CLCN1: variants seen among roughly 807,000 people sequenced by gnomAD.
The protein encoded by CLCN1 is chloride voltage-gated channel 1, also known as chloride channel protein 1.
In CLCN1, 100 loss-of-function variants were observed where a neutral mutation model predicts 114.5. The observed-to-expected ratio is 0.87, with a 90% CI of 0.74 to 1.03. The LOEUF (loss-of-function observed/expected upper bound fraction) is 1.03. Ranked by LOEUF, CLCN1 falls within the 50% of genes least tolerant of loss-of-function variation. The probability of loss-of-function intolerance (pLI) is 0.00; values close to 1 mark genes in which losing one functional copy is unlikely to be tolerated. For synonymous variants in CLCN1, 485 were observed against 487.1 expected, an observed-to-expected ratio of 1.00 and a Z score of 0.06; for missense variants, 1,188 against 1,250.0, an observed-to-expected ratio of 0.95 and a Z score of 0.75.
chr7:143,346,205 G>C lies in CLCN1; in HGVS notation c.2238G>C (p.Gly746=), dbSNP rs1377178036. The C allele has an allele frequency of 1.2e-6, 2 of 1,613,610 alleles. No homozygotes were observed. Among genetic ancestry groups the C allele is most frequent in the Non-Finnish European group, 1.7e-6 (2 of 1,179,822 alleles). Residue 746 remains glycine (G), a synonymous_variant, in exon 18 of 23, where the codon GGG becomes GGC. Transcript: ENST00000343257. ...CTCTGTCCCCAGAAGAGCCCAATGG[G>C]CCTCTGCCTGGCCACAAACAGCAGC... ...TAPLSPEEPN[G]PLPGHKQQPE... is the part of the protein sequence containing the mutation.
intron 20 of CLCN1, among the ~76,000 whole-genome samples, chr7:143,349,120 A>C (rs1313257708): frequency 6.6e-6 from 1 of 152,242 alleles, no homozygotes; most frequent in Non-Finnish European, 1.5e-5. Context: ...AAAACGGAAC[A>C]TAAGGCCACA....
intron 1 of CLCN1, among the ~76,000 whole-genome samples, chr7:143,317,514 C>T (rs986644887): frequency 7.9e-5 from 12 of 151,982 alleles, no homozygotes; most frequent in African/African-American, 2.9e-4. Flanking sequence ...TCCCAAAGTG[C>T]TGGAATTACA....
rs1014684722 is a variant in CLCN1 at position 143,345,596 on chromosome 7, G to A, written c.2006G>A (p.Arg669His). 2.6e-6 allele frequency: 4 copies of A among 1,552,836 alleles called. No homozygotes were observed. The highest frequency in any genetic ancestry group is 3.5e-6 in the Non-Finnish European group (4 of 1,148,266). ...ALLQRHLCPE[R>H]RLRAAQEMAR... ...CTGCAGCGCCACCTGTGTCCTGAGCGCAGGCTGCGCGCAGCCCAAGAGATG... is the reference window on the plus strand; with the variant it reads ...CTGCAGCGCCACCTGTGTCCTGAGCACAGGCTGCGCGCAGCCCAAGAGATG... Residue 669 changes from arginine to histidine, a missense_variant, in exon 17 of 23, where the codon CGC (arginine) becomes CAC (histidine). By Grantham distance (29) the Arg-to-His change is conservative (BLOSUM62 0). Coordinates refer to ENST00000343257, the MANE Select transcript of CLCN1 (RefSeq NM_000083.3).
chr7:143,321,639 C>T lies in CLCN1; in HGVS notation c.563-76C>T. On this transcript the variant is annotated intron_variant, in intron 4 of 22. Transcript: ENST00000343257. The surrounding 1 kb of genome is among the most constrained non-coding windows in gnomAD (Gnocchi z 4.2). Reference sequence around the variant, plus strand: ...TGCCTCTTCAGCCCTCTCCAATTCCCATTCCCATATTCTGGACATTCATCT... The same window carrying T: ...TGCCTCTTCAGCCCTCTCCAATTCCTATTCCCATATTCTGGACATTCATCT... 6.2e-7 allele frequency: 1 copy of T among 1,608,762 alleles called. No individual in the cohort carries two copies. The highest frequency in any genetic ancestry group is 8.5e-7 in the Non-Finnish European group (1 of 1,175,302).
At position 143,345,578 on chromosome 7, in the gene CLCN1, G is replaced by A. The variant is rs1212604561; in HGVS notation, c.1988G>A (p.Arg663His). The change falls in exon 17 of 23, where the codon CGC becomes CAC. Residue 663 changes from arginine to histidine, a missense_variant. Transcript: ENST00000343257. ...ERSELQALLQ[R>H]HLCPERRLRA... Reference sequence around the variant, plus strand: ...TCGGAACTGCAGGCCCTCCTGCAGCGCCACCTGTGTCCTGAGCGCAGGCTG... The same window carrying A: ...TCGGAACTGCAGGCCCTCCTGCAGCACCACCTGTGTCCTGAGCGCAGGCTG... 5.2e-6 allele frequency: 8 copies of A among 1,547,920 alleles called. No individual in the cohort carries two copies. In the East Asian group the frequency reaches 2.0e-4, roughly 38 times the overall value.
chr7:143,350,328 A>C lies in CLCN1; in HGVS notation c.2404-44A>C, dbSNP rs1803357583. On this transcript the variant is annotated intron_variant, in intron 20 of 22. Coordinates refer to ENST00000343257, the MANE Select transcript of CLCN1 (RefSeq NM_000083.3). This position sits in a 1 kb window ranked among gnomAD's most constrained non-coding sequence, Gnocchi z 5.1. Reference sequence around the variant, plus strand: ...GTCAAAATCAGGTATCTGGGGTGAAAGGAGGCTCTGTGATTTTCGTGACTT... The same window carrying C: ...GTCAAAATCAGGTATCTGGGGTGAACGGAGGCTCTGTGATTTTCGTGACTT... 6.6e-7 allele frequency: 1 copy of C among 1,519,640 alleles called. No homozygotes were observed. Among genetic ancestry groups the C allele is most frequent in the Non-Finnish European group, 9.1e-7 (1 of 1,098,420 alleles). 94.1% of individuals were successfully genotyped at this position (1,519,640 alleles called of 1,614,324 possible).
At position 143,321,366 on chromosome 7, in the gene CLCN1, C is replaced by A; in HGVS notation, c.435C>A (p.Ala145=). Residue 145 remains alanine (A), a splice_region_variant and synonymous_variant, in exon 4 of 23, where the codon GCC becomes GCA. Coordinates refer to ENST00000343257, the MANE Select transcript of CLCN1 (RefSeq NM_000083.3). This position sits in a 1 kb window ranked among gnomAD's most constrained non-coding sequence, Gnocchi z 4.2. ...AACCCCAGGCATGTGTCTCCGCAGC[C>A]TACAAGTGGTCCTACGCGCAGATGC... ...MDYVSAKSLQ[A]YKWSYAQMQP... The A allele has an allele frequency of 5.6e-6, 9 of 1,614,218 alleles. No individual in the cohort carries two copies. The highest frequency in any genetic ancestry group is 1.3e-5 in the African/African-American group (1 of 75,072).
At chr7:143,337,807 CTTTTTTTTTTTTTTTTTTTTTT>C (rs869078445) in intron 12 of CLCN1, among the ~76,000 whole-genome samples, 3 of 46,046 alleles carry the variant, frequency 6.5e-5, no homozygotes, top group African/African-American at 1.6e-4. Flanking sequence ...TTTCTCAATT[CTTTTTTTTTTTTTTTTTTTTTT>C]TTTTTTTTTT....
At position 143,350,378 on chromosome 7, in the gene CLCN1, G is replaced by T; in HGVS notation, c.2410G>T (p.Ala804Ser). The change falls in exon 21 of 23, where the codon GCC (alanine) becomes TCC (serine). Residue 804 changes from alanine (A) to serine (S), a missense_variant. Physicochemically the swap from Ala to Ser is moderately conservative, Grantham distance 99 (BLOSUM62 1). Coordinates refer to ENST00000343257, the MANE Select transcript of CLCN1 (RefSeq NM_000083.3). This position sits in a 1 kb window ranked among gnomAD's most constrained non-coding sequence, Gnocchi z 5.1. ...TTCCTCCTCTGGCTGACAGATTGAGGCCTGGGAGCAGGAGCAGCTGAGCCA... is the reference window on the plus strand; with the variant it reads ...TTCCTCCTCTGGCTGACAGATTGAGTCCTGGGAGCAGGAGCAGCTGAGCCA... ...VDNMSPEEIE[A>S]WEQEQLSQPV... The T allele has an allele frequency of 6.2e-7, 1 of 1,613,578 alleles. No homozygotes were observed. Among genetic ancestry groups the T allele is most frequent in the Non-Finnish European group, 8.5e-7 (1 of 1,179,638 alleles).
rs1554435334 is a variant in CLCN1 at position 143,324,450 on chromosome 7, T to C, written c.811T>C (p.Cys271Arg). Residue 271 changes from cysteine (C) to arginine (R), a missense_variant, in exon 7 of 23, where the codon TGT becomes CGT. Cys to Arg is a radical substitution (Grantham distance 180). Coordinates refer to ENST00000343257, the MANE Select transcript of CLCN1 (RefSeq NM_000083.3). The surrounding 1 kb of genome is among the most constrained non-coding windows in gnomAD (Gnocchi z 4.6). ...YYYSDILTVG[C>R]AVGVGCCFGT... Reference sequence around the variant, plus strand: ...CTACTCTGATATCCTGACGGTGGGCTGTGCTGTGGGAGTCGGCTGTTGTTT... The same window carrying C: ...CTACTCTGATATCCTGACGGTGGGCCGTGCTGTGGGAGTCGGCTGTTGTTT... 3 of 1,614,002 alleles carry C rather than the reference T, an allele frequency of 1.9e-6. No homozygotes were observed. The highest frequency in any genetic ancestry group is 1.7e-6 in the Non-Finnish European group (2 of 1,179,988).
At chr7:143,320,913 G>C (rs376320975) in intron 3 of CLCN1, 118 bp downstream of exon 3, 4 of 1,241,512 alleles carry the variant, frequency 3.2e-6, no homozygotes, top group African/African-American at 1.5e-5. Flanking sequence ...CGAATATTGC[G>C]CAGAGAGGGA....
intron 7 of CLCN1, among the ~76,000 whole-genome samples, chr7:143,325,690 GT>G (rs1802556042): frequency 6.6e-6 from 1 of 152,186 alleles, no homozygotes; most frequent in Non-Finnish European, 1.5e-5. Flanking sequence ...GGAGACTTCT[GT>G]TGTTTTGTTT....
rs977245731 is a variant in CLCN1 at position 143,319,939 on chromosome 7, C to T, written c.301+64C>T. The T allele has an allele frequency of 1.7e-5, 27 of 1,573,726 alleles. 1 individual carries two copies. The Middle Eastern group carries it at 6.7e-4, about 39-fold the overall frequency. Reference sequence around the variant, plus strand: ...ACAGGTACAGGGATTAGGAGAATAACTTGGGCATCCCATTGCACGTACGTA... The same window carrying T: ...ACAGGTACAGGGATTAGGAGAATAATTTGGGCATCCCATTGCACGTACGTA... On this transcript the variant is annotated intron_variant, in intron 2 of 22. Transcript: ENST00000343257.
intron 9 of CLCN1, 40 bp downstream of exon 9, chr7:143,331,356 G>A (rs1376566296): frequency 1.4e-6 from 2 of 1,436,276 alleles, no homozygotes; most frequent in Non-Finnish European, 2.0e-6. Context: ...TGAGCAGGGT[G>A]TGGAGTGAGG....
chr7:143,326,537 A>G (rs112801867), intron 7 of CLCN1, among the ~76,000 whole-genome samples: 149 of 152,306 alleles, frequency 9.8e-4, no homozygotes, highest in African/African-American at 3.2e-3. Context: ...AAGTGGCCCA[A>G]TGGCAGCTGG....
Position 143,316,131 on chromosome 7 carries a change from G to C in CLCN1, c.-82G>C. The C allele has an allele frequency of 8.5e-7, 1 of 1,173,668 alleles. No individual in the cohort carries two copies. The highest frequency in any genetic ancestry group is 1.3e-6 in the Non-Finnish European group (1 of 788,940). The allele number at this position is 1,173,668 out of a possible 1,614,324, so 72.7% of individuals were successfully genotyped here. A position where few individuals can be genotyped will look rare whatever the true frequency, so the allele number is the denominator to read the frequency against. ...GCCCCAGACGCCTTGGGGACAGCAA[G>C]AGCAGAGGCTTAAGGAGCTACACTG... On this transcript the variant is annotated 5_prime_UTR_variant, in exon 1 of 23. Coordinates refer to ENST00000343257, the MANE Select transcript of CLCN1 (RefSeq NM_000083.3).
chr7:143,330,388 T>C (rs1802690123), intron 7 of CLCN1, among the ~76,000 whole-genome samples: 1 of 152,088 alleles, frequency 6.6e-6, no homozygotes, highest in African/African-American at 2.4e-5. Flanking sequence ...TGGAACTTTC[T>C]CTCTCTTAAC....
Position 143,342,519 on chromosome 7 carries a change from A to G in CLCN1, c.1930+14A>G. 6.2e-7 allele frequency: 1 copy of G among 1,614,052 alleles called. No homozygotes were observed. Among genetic ancestry groups the G allele is most frequent in the Non-Finnish European group, 8.5e-7 (1 of 1,179,968 alleles). On this transcript the variant is annotated intron_variant, in intron 16 of 22. Coordinates refer to ENST00000343257, the MANE Select transcript of CLCN1 (RefSeq NM_000083.3). ...TTGACTCAAAAGGTCAGTGGGGAGGAAGAAGTCGACTCCAGAGCTAGTGAC... is the reference window on the plus strand; with the variant it reads ...TTGACTCAAAAGGTCAGTGGGGAGGGAGAAGTCGACTCCAGAGCTAGTGAC...
At chr7:143,342,265 C>T (rs1216207971) in intron 15 of CLCN1, 107 bp from the exon 16 acceptor site, 12 of 1,476,628 alleles carry the variant, frequency 8.1e-6, no homozygotes, top group Middle Eastern at 1.7e-4. Flanking sequence ...TATTCTCATG[C>T]ACCTAGTAGA....
Sources: gnomAD v4.1 joint callset for allele counts (sites outside exome capture counted in the v4.1 genomes callset) on GRCh38, gnomAD v4.1.1 for gene constraint, Gnocchi (gnomAD v3.1) non-coding constraint, MANE v1.5 for transcripts, NCBI Gene and HGNC (gene_info 2026-07-23, HGNC 2026-07-21) for gene names.